The following ASTN2 variants were observed in gnomAD, a reference collection of about 807,000 sequenced individuals.
ASTN2 encodes the protein astrotactin-2.
A neutral mutation model predicts 139.8 loss-of-function variants in ASTN2; 54 were observed. The ratio of observed to expected loss-of-function variants is 0.39; its 90% CI spans 0.31 to 0.48. The LOEUF is 0.48. ASTN2 is among the 20% of genes least tolerant of loss of function. The pLI is 0.95. For missense variants in ASTN2, 1,565 were observed against 1,725.1 expected, an observed-to-expected ratio of 0.91 and a Z score of 1.64; for synonymous variants, 756 against 719.5, an observed-to-expected ratio of 1.05 and a Z score of -0.81.
chr9:116,786,251 T>C (rs1830372742), intron 13 of ASTN2, among the ~76,000 whole-genome samples: 1 of 152,202 alleles, frequency 6.6e-6, no homozygotes, highest in African/African-American at 2.4e-5. Flanking sequence ...TAGAATCCCC[T>C]GCCTAAAACC....
At chr9:116,835,867 G>C (rs1265636892) in intron 11 of ASTN2, among the ~76,000 whole-genome samples, 1 of 152,126 alleles carries the variant, frequency 6.6e-6, no homozygotes, top group Non-Finnish European at 1.5e-5. Flanking sequence ...GCTCACTATA[G>C]CCTCAAACTC....
chr9:117,378,279 T>C (rs1830176946), intron 1 of ASTN2, among the ~76,000 whole-genome samples: 1 of 152,156 alleles, frequency 6.6e-6, no homozygotes, highest in Non-Finnish European at 1.5e-5. Flanking sequence ...TGGTACCTAG[T>C]CCAGAGTGTT....
intron 2 of ASTN2, among the ~76,000 whole-genome samples, chr9:117,243,138 A>C (rs1182178473): frequency 6.6e-6 from 1 of 152,220 alleles, no homozygotes; most frequent in East Asian, 1.9e-4. Context: ...GAGGCTTAGC[A>C]AGGTCATGTG....
intron 19 of ASTN2, among the ~76,000 whole-genome samples, chr9:116,579,713 T>A (rs1485187840): frequency 6.6e-6 from 1 of 152,162 alleles, no homozygotes; most frequent in African/African-American, 2.4e-5. Flanking sequence ...AGACCCCATC[T>A]CAAAGTAAAT....
chr9:116,689,254 G>A (rs939348981), intron 16 of ASTN2, among the ~76,000 whole-genome samples: 1 of 152,102 alleles, frequency 6.6e-6, no homozygotes, highest in Non-Finnish European at 1.5e-5. Flanking sequence ...TCCTGACTTT[G>A]TGGCCTTGAA....
intron 6 of ASTN2, among the ~76,000 whole-genome samples, chr9:117,030,444 C>T (rs780735545): frequency 6.6e-6 from 1 of 152,188 alleles, no homozygotes; most frequent in Non-Finnish European, 1.5e-5. Flanking sequence ...AGAAATTAGT[C>T]TCCAATTTTG....
At chr9:117,236,831 T>C (rs1219253469) in intron 2 of ASTN2, among the ~76,000 whole-genome samples, 1 of 152,188 alleles carries the variant, frequency 6.6e-6, no homozygotes, top group Non-Finnish European at 1.5e-5. Context: ...AAAAGTAAGG[T>C]AATATATGTC....
rs576476081 is a variant in ASTN2 at position 117,272,566 on chromosome 9, T to C, written c.630+18760A>G. ...AGGCTGCAAATTTTCTGAACTGTTATGCTGTTTCCCTTTTAAAGTGGAATG... is the reference window on the plus strand; with the variant it reads ...AGGCTGCAAATTTTCTGAACTGTTACGCTGTTTCCCTTTTAAAGTGGAATG... On this transcript the variant is annotated intron_variant, in intron 2 of 22. Transcript: ENST00000313400. Among the ~76,000 whole-genome samples, 8 of 152,382 alleles carry C rather than the reference T, an allele frequency of 5.2e-5. No individual in the cohort carries two copies. The South Asian group carries it at 1.2e-3, about 24-fold the overall frequency.
intron 2 of ASTN2, among the ~76,000 whole-genome samples, chr9:117,218,551 C>T (rs541770273): frequency 4.8e-4 from 73 of 152,264 alleles, no homozygotes; most frequent in Middle Eastern, 3.4e-3. Context: ...GCTTAGGTAA[C>T]GTTGCAAGCA....
chr9:117,249,278 T>G lies in ASTN2; in HGVS notation c.631-34536A>C, dbSNP rs1833472193. ...ACGGGAAATCTGTTCTCCCCAGTCT[T>G]AAATCTCAAAGTCACGGTGAATGCT... On this transcript the variant is annotated intron_variant, in intron 2 of 22. Transcript: ENST00000313400. Among the ~76,000 whole-genome samples the G allele has an allele frequency of 2.0e-5, 3 of 152,182 alleles. No individual in the cohort carries two copies. The South Asian group carries it at 6.2e-4, about 31-fold the overall frequency.
At chr9:116,683,557 T>C (rs1368480717) in intron 16 of ASTN2, among the ~76,000 whole-genome samples, 2 of 152,164 alleles carry the variant, frequency 1.3e-5, no homozygotes, top group South Asian at 4.1e-4. Context: ...ACTTTAAAAA[T>C]TGTTTTATTG....
intron 13 of ASTN2, among the ~76,000 whole-genome samples, chr9:116,762,773 A>C (rs1829706080): frequency 6.6e-6 from 1 of 152,232 alleles, no homozygotes; most frequent in Non-Finnish European, 1.5e-5. Flanking sequence ...CTGTTTTGCC[A>C]GTGCAACAGC....
intron 19 of ASTN2, chr9:116,550,954 T>C (rs1281420338): frequency 6.6e-6 from 1 of 152,264 alleles, no homozygotes; most frequent in Non-Finnish European, 1.5e-5. Context: ...CCGCATGTAC[T>C]CAGGGAAACC....
At chr9:116,665,192 C>A (rs1352011258) in intron 16 of ASTN2, among the ~76,000 whole-genome samples, 8 of 152,142 alleles carry the variant, frequency 5.3e-5, no homozygotes, top group Admixed American at 5.2e-4. Context: ...GCCAAATAAA[C>A]CTTTTTTCCT....
At chr9:116,773,389 G>A (rs923392005) in intron 13 of ASTN2, among the ~76,000 whole-genome samples, 1 of 152,170 alleles carries the variant, frequency 6.6e-6, no homozygotes, top group African/African-American at 2.4e-5. Flanking sequence ...GGTCTTGACC[G>A]AGAGGTCTGT....
At chr9:116,838,800 G>T (rs1051187940) in intron 11 of ASTN2, among the ~76,000 whole-genome samples, 2 of 152,164 alleles carry the variant, frequency 1.3e-5, no homozygotes, top group African/African-American at 4.8e-5. Flanking sequence ...TCCTTCAATG[G>T]AGGCACTGGA....
At chr9:116,941,392 C>G (rs528202376) in intron 10 of ASTN2, among the ~76,000 whole-genome samples, 3 of 151,600 alleles carry the variant, frequency 2.0e-5, no homozygotes, top group Admixed American at 2.0e-4. Flanking sequence ...TTCTGTACAC[C>G]TTTCACCCAG....
intron 16 of ASTN2, among the ~76,000 whole-genome samples, chr9:116,714,622 C>T (rs1379120379): frequency 6.6e-6 from 1 of 152,096 alleles, no homozygotes; most frequent in Admixed American, 6.5e-5. Context: ...AAGACCTGAC[C>T]TAAGTCACAC....
chr9:117,262,750 T>C (rs779532402), intron 2 of ASTN2, among the ~76,000 whole-genome samples: 1 of 152,164 alleles, frequency 6.6e-6, no homozygotes, highest in Non-Finnish European at 1.5e-5. Context: ...GCTGATCTTA[T>C]CATGAGAGAT....
Sources: gnomAD v4.1 joint callset for allele counts (sites outside exome capture counted in the v4.1 genomes callset) on GRCh38, gnomAD v4.1.1 for gene constraint, MANE v1.5 for transcripts, NCBI Gene and HGNC (gene_info 2026-07-23, HGNC 2026-07-21) for gene names.